Variants in DCLRE1C observed in about 807,000 individuals in gnomAD.
DCLRE1C encodes the protein DNA cross-link repair 1C.
DCLRE1C carries 47 observed loss-of-function variants against 61.4 expected under a neutral mutation model. The observed-to-expected ratio is 0.77, with a 90% CI of 0.61 to 0.98. DCLRE1C has a LOEUF of 0.98. Ranked by LOEUF, DCLRE1C falls within the 50% of genes least tolerant of loss-of-function variation. The probability of loss-of-function intolerance (pLI) is 0.00; values close to 1 mark genes in which losing one functional copy is unlikely to be tolerated. For synonymous variants in DCLRE1C, 337 were observed against 287.6 expected (o/e 1.17, Z -1.74); for missense variants, 858 against 816.0 (o/e 1.05, Z -0.63).
Position 14,908,689 on chromosome 10 carries a change from C to T in DCLRE1C, c.1798G>A (p.Asp600Asn). 6.2e-7 allele frequency: 1 copy of T among 1,614,154 alleles called. No individual in the cohort carries two copies. The highest frequency in any genetic ancestry group is 8.5e-7 in the Non-Finnish European group (1 of 1,180,040). ...LMEQNVICPK[D>N]TYSDLKSRDK... ...CTGCTTTTCAAATCAGAGTAAGTAT[C>T]CTTTGGGCAAATTACATTTTGTTCC... Residue 600 changes from aspartate (D) to asparagine (N), a missense_variant, in exon 14 of 14, where the codon GAT becomes AAT. This residue lies in a region of DCLRE1C where 843 missense variants were observed against 783.5 expected (regional missense o/e 1.08). Transcript: ENST00000378278.
intron 3 of DCLRE1C, among the ~76,000 whole-genome samples, chr10:14,943,481 A>G (rs1254623944): frequency 6.6e-6 from 1 of 152,192 alleles, no homozygotes; most frequent in African/African-American, 2.4e-5. Context: ...CCAAAATTTC[A>G]AATTTCAACC....
At chr10:14,922,536 A>T (rs556416599) in intron 12 of DCLRE1C, among the ~76,000 whole-genome samples, 5 of 152,208 alleles carry the variant, frequency 3.3e-5, no homozygotes, top group African/African-American at 1.2e-4. Context: ...CATGAATACG[A>T]TTGCACCTCT....
At chr10:14,925,922 A>G (rs993884738) in intron 11 of DCLRE1C, among the ~76,000 whole-genome samples, 1 of 152,210 alleles carries the variant, frequency 6.6e-6, no homozygotes, top group African/African-American at 2.4e-5. Flanking sequence ...AGGCAATTTA[A>G]TCACGGGGGT....
chr10:14,919,883 G>T (rs558718549), intron 12 of DCLRE1C, 51 bp from the exon 13 acceptor site: 3 of 1,425,032 alleles, frequency 2.1e-6, no homozygotes, highest in South Asian at 2.3e-5. Flanking sequence ...GTTGTTAGAA[G>T]GTAGACATCA....
intron 1 of DCLRE1C, among the ~76,000 whole-genome samples, chr10:14,951,561 T>C (rs1842471943): frequency 6.6e-6 from 1 of 152,126 alleles, no homozygotes; most frequent in Non-Finnish European, 1.5e-5. Flanking sequence ...AGGTAGTGTT[T>C]TGGTTGCCTT....
chr10:14,908,898 GTTGATTCTCC>G lies in DCLRE1C; in HGVS notation c.1579_1588del (p.Gly527LeufsTer14). The G allele has an allele frequency of 6.2e-7, 1 of 1,614,214 alleles. No homozygotes were observed. The highest frequency in any genetic ancestry group is 8.5e-7 in the Non-Finnish European group (1 of 1,180,040). On this transcript the variant is annotated frameshift_variant, in exon 14 of 14. Coordinates refer to ENST00000378278, the MANE Select transcript of DCLRE1C (RefSeq NM_001033855.3). LOFTEE classifies it low-confidence loss of function (END_TRUNC). ...GGAAGAATTCTGGGAGGAGATGTGA[GTTGATTCTCC>G]ATCAGAGTCACTGAAAAGCTTTGGT...
rs531970063 is a variant in DCLRE1C at position 14,905,603 on chromosome 10, A to G, written c.*2805T>C. Among the ~76,000 whole-genome samples, 9 of 152,372 alleles carry G rather than the reference A, an allele frequency of 5.9e-5. No individual in the cohort carries two copies. The highest frequency in any genetic ancestry group is 3.9e-4 in the East Asian group (2 of 5,184). ...ACTTTTTAAAAAACTAGTTTATACT[A>G]TTCAAACATTTAAGTCCTGGAACTC... On this transcript the variant is annotated 3_prime_UTR_variant, in exon 14 of 14. Coordinates refer to ENST00000378278, the MANE Select transcript of DCLRE1C (RefSeq NM_001033855.3).
At chr10:14,953,618 CT>C (rs1432888155) in intron 1 of DCLRE1C, among the ~76,000 whole-genome samples, 5 of 152,152 alleles carry the variant, frequency 3.3e-5, no homozygotes, top group African/African-American at 1.2e-4. Flanking sequence ...TCGCCAATCT[CT>C]GATCATCGGC....
At chr10:14,948,893 T>G in intron 2 of DCLRE1C, 143 bp downstream of exon 2, 2 of 670,312 alleles carry the variant, frequency 3.0e-6, no homozygotes, top group Admixed American at 2.3e-5. Context: ...GGGTCTGGGA[T>G]ATTGGTACTG....
At chr10:14,946,437 T>C (rs1372472658) in intron 2 of DCLRE1C, among the ~76,000 whole-genome samples, 4 of 152,200 alleles carry the variant, frequency 2.6e-5, no homozygotes, top group African/African-American at 9.6e-5. Context: ...ACAAAATAGA[T>C]ACTAAAATTC....
At chr10:14,931,917 C>T (rs1212677066) in intron 9 of DCLRE1C, among the ~76,000 whole-genome samples, 1 of 151,748 alleles carries the variant, frequency 6.6e-6, no homozygotes. Context: ...GCCTGTAATC[C>T]CAGCTACATA....
rs1250924669 is a variant in DCLRE1C, at chr10:14,932,871, C to A, written c.763G>T (p.Ala255Ser). Residue 255 changes from alanine to serine, a missense_variant, in exon 9 of 14, where the codon GCA becomes TCA. By Grantham distance (99) the Ala-to-Ser change is moderately conservative (BLOSUM62 1). Around this residue, in one of 2 missense-constraint regions of DCLRE1C, gnomAD observed 843 missense variants for 783.5 expected, o/e 1.08. Transcript: ENST00000378278. ...ACACGTACCTTGGGATGCCGGCATG[C>A]ATGGATCTGAGTGTTGCGGTCTGTT... is the stretch of plus-strand genomic sequence containing the variant. The part of the protein sequence containing the change: ...LTTDRNTQIH[A>S]CRHPKAEEYF... 1 of 1,614,176 alleles carries A rather than the reference C, an allele frequency of 6.2e-7. No individual in the cohort carries two copies. The highest frequency in any genetic ancestry group is 2.2e-5 in the East Asian group (1 of 44,888).
At chr10:14,942,240 A>G (rs928293042) in intron 3 of DCLRE1C, 2 of 152,276 alleles carry the variant, frequency 1.3e-5, no homozygotes, top group Non-Finnish European at 2.9e-5. Flanking sequence ...GGAGACCAGC[A>G]CTATTGAGGC....
rs148208919 is a variant in DCLRE1C, at chr10:14,913,486, G to A, written c.1157-4156C>T. ...GTATGACAATAACAGCACAGACTGG[G>A]AGAAGAGGAATGGAAATATACTGCT... On this transcript the variant is annotated intron_variant, in intron 13 of 13. Transcript: ENST00000378278. Among the ~76,000 whole-genome samples, 517 of 152,296 alleles carry A rather than the reference G, an allele frequency of 3.4e-3. 3 individuals are homozygous for A. The highest frequency in any genetic ancestry group is 2.8e-3 in the Non-Finnish European group (193 of 68,030).
At chr10:14,919,560 C>T (rs1267291579) in intron 13 of DCLRE1C, among the ~76,000 whole-genome samples, 178 bp downstream of exon 13, 1 of 152,200 alleles carries the variant, frequency 6.6e-6, no homozygotes, top group African/African-American at 2.4e-5. Context: ...GAGCAGACTC[C>T]TGATTTTACA....
At chr10:14,902,955 G>C (rs1834123023), downstream of DCLRE1C, 1 of 152,650 alleles carries the variant, frequency 6.6e-6, no homozygotes. Flanking sequence ...TGTCATTCCT[G>C]TTTAATACTC....
chr10:14,910,387 G>C (rs1835053773), intron 13 of DCLRE1C, among the ~76,000 whole-genome samples: 1 of 152,130 alleles, frequency 6.6e-6, no homozygotes, highest in Non-Finnish European at 1.5e-5. Flanking sequence ...TCACTACTAT[G>C]CCAAAGTTGT....
At position 14,928,163 on chromosome 10, in the gene DCLRE1C, TA is replaced by T; in HGVS notation, c.781-12del. ...AAAATATTCCTCTGCCTAAAAAAGA[TA>T]AAAAGCATAGAAAAACAGTTCTACA... On this transcript the variant is annotated splice_polypyrimidine_tract_variant and intron_variant, in intron 9 of 13. Coordinates refer to ENST00000378278, the MANE Select transcript of DCLRE1C (RefSeq NM_001033855.3). 6.2e-7 allele frequency: 1 copy of T among 1,611,820 alleles called. No individual in the cohort carries two copies. The highest frequency in any genetic ancestry group is 8.5e-7 in the Non-Finnish European group (1 of 1,178,704).
At chr10:14,935,253 A>G (rs7899423) in intron 6 of DCLRE1C, among the ~76,000 whole-genome samples, 12 of 152,006 alleles carry the variant, frequency 7.9e-5, no homozygotes, top group Middle Eastern at 3.4e-3. Flanking sequence ...GATCACCTGA[A>G]GTCAGGAGTT....
Sources: gnomAD v4.1 joint callset for allele counts (sites outside exome capture counted in the v4.1 genomes callset) on GRCh38, gnomAD v4.1.1 for gene constraint, gnomAD v4.1.1 regional missense constraint, MANE v1.5 for transcripts, NCBI Gene and HGNC (gene_info 2026-07-23, HGNC 2026-07-21) for gene names.